Variants in MPDZ observed in about 807,000 individuals in gnomAD.
The protein encoded by MPDZ is multiple PDZ domain crumbs cell polarity complex component.
A neutral mutation model predicts 239.1 loss-of-function variants in MPDZ; 234 were observed. The observed-to-expected ratio is 0.98, with a 90% CI of 0.88 to 1.09. MPDZ has a LOEUF of 1.09. MPDZ is among the 50% of genes least tolerant of loss of function. The probability of loss-of-function intolerance (pLI) is 0.00; values close to 1 mark genes in which losing one functional copy is unlikely to be tolerated. For missense variants in MPDZ, 3,175 were observed against 2,510.0 expected (o/e 1.26, Z -5.66); for synonymous variants, 1,048 against 881.3 (o/e 1.19, Z -3.35).
At chr9:13,207,573 G>T (rs899564844) in intron 10 of MPDZ, among the ~76,000 whole-genome samples, 5 of 152,080 alleles carry the variant, frequency 3.3e-5, no homozygotes, top group Non-Finnish European at 5.9e-5. Flanking sequence ...ACATATAATT[G>T]CTTTATATTT....
rs1423122461 is a variant in MPDZ at position 13,190,248 on chromosome 9, C to G, written c.2020G>C (p.Val674Leu). The change falls in exon 16 of 47, where the codon GTG (valine) becomes CTG (leucine). Residue 674 changes from valine to leucine, a missense_variant. By Grantham distance (32) the Val-to-Leu change is conservative. Transcript: ENST00000319217. ...FIGSSETEDP[V>L]LAMTDAGQST... is the part of the protein sequence containing the mutation. ...TGACCCGCATCAGTCATCGCCAGCA[C>G]TGGATCCTCTGTCTCTGATGACCCG... 9.9e-6 allele frequency: 16 copies of G among 1,611,292 alleles called. No homozygotes were observed. The highest frequency in any genetic ancestry group is 1.4e-5 in the Non-Finnish European group (16 of 1,178,778).
chr9:13,279,052 G>C (rs1362016126), intron 1 of MPDZ: 1 of 152,452 alleles, frequency 6.6e-6, no homozygotes, highest in Non-Finnish European at 1.5e-5. Flanking sequence ...GAGAGCAAAA[G>C]AAAGGGGTGG....
chr9:13,203,354 G>A (rs546863674), intron 12 of MPDZ, among the ~76,000 whole-genome samples: 60 of 152,126 alleles, frequency 3.9e-4, no homozygotes, highest in African/African-American at 7.0e-4. Flanking sequence ...TGATTTAAGC[G>A]GGTGAGATTA....
In MPDZ at chr9:13,237,861, G is replaced by A. The variant is rs150283911; in HGVS notation, c.183+9774C>T. ...ACTTTTGTATATTATATAATGAAATGAGAAATGTGATTTTTCCATTTTTCA... is the reference window on the plus strand; with the variant it reads ...ACTTTTGTATATTATATAATGAAATAAGAAATGTGATTTTTCCATTTTTCA... On this transcript the variant is annotated intron_variant, in intron 3 of 46. Transcript: ENST00000319217. 1.9e-3 allele frequency among the ~76,000 whole-genome samples: 282 copies of A among 152,188 alleles called. 1 individual carries two copies. The highest frequency in any genetic ancestry group is 6.6e-3 in the African/African-American group (273 of 41,524).
chr9:13,239,794 T>C (rs919426019), intron 3 of MPDZ, among the ~76,000 whole-genome samples: 2 of 152,132 alleles, frequency 1.3e-5, no homozygotes, highest in African/African-American at 4.8e-5. Flanking sequence ...TGAAATACAA[T>C]TAATTCTAAG....
chr9:13,259,221 C>T (rs1050642797), intron 1 of MPDZ, among the ~76,000 whole-genome samples: 4 of 151,534 alleles, frequency 2.6e-5, no homozygotes, highest in Non-Finnish European at 5.9e-5. Context: ...ATTAGGCTTC[C>T]TAATATAGCC....
intron 46 of MPDZ, among the ~76,000 whole-genome samples, chr9:13,108,569 T>C (rs1343933750): frequency 1.3e-5 from 2 of 152,112 alleles, no homozygotes; most frequent in South Asian, 2.1e-4. Flanking sequence ...AACAAAAAAA[T>C]GCAAACAGAA....
At chr9:13,202,924 G>A (rs980166981) in intron 12 of MPDZ, among the ~76,000 whole-genome samples, 16 of 152,168 alleles carry the variant, frequency 1.1e-4, no homozygotes, top group African/African-American at 3.9e-4. Flanking sequence ...TATATAGGAA[G>A]AAGGATGTGG....
In MPDZ at chr9:13,190,313, G is replaced by C. The variant is rs1342530093; in HGVS notation, c.1969-14C>G. The C allele has an allele frequency of 6.6e-7, 1 of 1,513,380 alleles. No homozygotes were observed. The highest frequency in any genetic ancestry group is 8.8e-7 in the Non-Finnish European group (1 of 1,132,180). 93.7% of individuals were successfully genotyped at this position (1,513,380 alleles called of 1,614,324 possible). ...ATCTACGTGAGGCTGGATAATATCAGACAGCTCTTATTTCAGAGGCATTGC... is the reference window on the plus strand; with the variant it reads ...ATCTACGTGAGGCTGGATAATATCACACAGCTCTTATTTCAGAGGCATTGC... On this transcript the variant is annotated splice_polypyrimidine_tract_variant and intron_variant, in intron 15 of 46. Coordinates refer to ENST00000319217, the MANE Select transcript of MPDZ (RefSeq NM_001378778.1).
chr9:13,183,530 G>A lies in MPDZ; in HGVS notation c.2537C>T (p.Ser846Phe). ...AGAGTAGATGCTGTCATTTTCAGGAGAGTATGGAGACTCAAATGTGGATTC... is the reference window on the plus strand; with the variant it reads ...AGAGTAGATGCTGTCATTTTCAGGAAAGTATGGAGACTCAAATGTGGATTC... ...VDESTFESPY[S>F]PENDSIYSTQ... Residue 846 changes from serine to phenylalanine, a missense_variant, in exon 19 of 47, where the codon TCT (serine) becomes TTT (phenylalanine). Transcript: ENST00000319217. 1.2e-6 allele frequency: 2 copies of A among 1,612,538 alleles called. No individual in the cohort carries two copies. Among genetic ancestry groups the A allele is most frequent in the Non-Finnish European group, 1.7e-6 (2 of 1,179,108 alleles).
chr9:13,193,237 A>G lies in MPDZ; in HGVS notation c.1733T>C (p.Ile578Thr). The change falls in exon 14 of 47, where the codon ATC (isoleucine) becomes ACC (threonine). Residue 578 changes from isoleucine to threonine, a missense_variant. Coordinates refer to ENST00000319217, the MANE Select transcript of MPDZ (RefSeq NM_001378778.1). ...SLEATVGHHF[I>T]RSVLPEGPVG... Reference sequence around the variant, plus strand: ...AGGACCCTCTGGTAGAACAGATCGGATAAAATGATGTCCCACTGTCGCTTC... The same window carrying G: ...AGGACCCTCTGGTAGAACAGATCGGGTAAAATGATGTCCCACTGTCGCTTC... 1 of 1,612,690 alleles carries G rather than the reference A, an allele frequency of 6.2e-7. No individual in the cohort carries two copies. The highest frequency in any genetic ancestry group is 8.5e-7 in the Non-Finnish European group (1 of 1,179,034).
chr9:13,277,681 C>T (rs1974549270), intron 1 of MPDZ, among the ~76,000 whole-genome samples: 2 of 152,150 alleles, frequency 1.3e-5, no homozygotes, highest in Admixed American at 6.5e-5. Context: ...TCTCCTGCCC[C>T]AGCCTCCCTA....
rs186662317 is a variant in MPDZ, at chr9:13,176,153, G to A, written c.2914C>T (p.Pro972Ser). 484 of 1,599,220 alleles carry A rather than the reference G, an allele frequency of 3.0e-4. 2 individuals carry two copies. In the East Asian group the frequency reaches 9.8e-3, roughly 32 times the overall value. The change falls in exon 20 of 47, where the codon CCC (proline) becomes TCC (serine). Residue 972 changes from proline (P) to serine (S), a missense_variant. Physicochemically the swap from Pro to Ser is moderately conservative, Grantham distance 74. Transcript: ENST00000319217. ...ISSAELPSVLPDSAGKGSEYL... is the reference protein window; with the variant it reads ...ISSAELPSVLSDSAGKGSEYL... Reference sequence around the variant, plus strand: ...AATATTACCTTTCCAGCTGAATCGGGTAGCACAGAAGGAAGTTCTGCACTT... The same window carrying A: ...AATATTACCTTTCCAGCTGAATCGGATAGCACAGAAGGAAGTTCTGCACTT...
chr9:13,263,119 T>C (rs1223134390), intron 1 of MPDZ, among the ~76,000 whole-genome samples: 1 of 152,144 alleles, frequency 6.6e-6, no homozygotes, highest in Non-Finnish European at 1.5e-5. Context: ...AATGATATAA[T>C]GTCCACAATT....
At chr9:13,220,943 T>C (rs751933226) in intron 7 of MPDZ, among the ~76,000 whole-genome samples, 3 of 152,016 alleles carry the variant, frequency 2.0e-5, no homozygotes, top group Non-Finnish European at 2.9e-5. Flanking sequence ...ACAAAGATGA[T>C]ACCAATGACC....
At chr9:13,189,394 T>A (rs548201731) in intron 16 of MPDZ, among the ~76,000 whole-genome samples, 2 of 152,178 alleles carry the variant, frequency 1.3e-5, no homozygotes, top group Admixed American at 1.3e-4. Context: ...CACTACTAGA[T>A]ATAAGTGCAC....
rs1017490309 is a variant in MPDZ, at chr9:13,219,632, A to G, written c.1013T>C (p.Ile338Thr). ...AGCAGTGGGTGCTGTACGTTCTTCT[A>G]TGGCACCTCTTGCAATCATCAACTT... ...RVKLMIARGA[I>T]EERTAPTALG... Residue 338 changes from isoleucine (I) to threonine (T), a missense_variant, in exon 8 of 47, where the codon ATA (isoleucine) becomes ACA (threonine). Ile to Thr is a moderately conservative substitution (Grantham distance 89, BLOSUM62 -1). Transcript: ENST00000319217. 5 of 1,612,446 alleles carry G rather than the reference A, an allele frequency of 3.1e-6. No individual in the cohort carries two copies. Among genetic ancestry groups the G allele is most frequent in the Non-Finnish European group, 4.2e-6 (5 of 1,179,196 alleles).
chr9:13,112,091 CCAAG>C lies in MPDZ; in HGVS notation c.5653_5656del (p.Leu1885ValfsTer9), dbSNP rs1188998151. On this transcript the variant is annotated frameshift_variant, in exon 43 of 47. Transcript: ENST00000319217. LOFTEE classifies it high-confidence loss of function. ...CATTGCAATAAATATAGGCACATCA[CCAAG>C]TGGGCTGCCTACTCCTCCAGCGATG... 1 of 1,613,564 alleles carries C rather than the reference CCAAG, an allele frequency of 6.2e-7. No homozygotes were observed. Among genetic ancestry groups the C allele is most frequent in the Admixed American group, 1.7e-5 (1 of 60,004 alleles).
intron 38 of MPDZ, among the ~76,000 whole-genome samples, chr9:13,121,481 C>T (rs995324354): frequency 3.3e-5 from 5 of 152,172 alleles, no homozygotes; most frequent in African/African-American, 9.7e-5. Flanking sequence ...GAAAACTTAA[C>T]GTATTTCCTA....
Sources: gnomAD v4.1 joint callset for allele counts (sites outside exome capture counted in the v4.1 genomes callset) on GRCh38, gnomAD v4.1.1 for gene constraint, MANE v1.5 for transcripts, NCBI Gene and HGNC (gene_info 2026-07-23, HGNC 2026-07-21) for gene names.